RPTOR: variants seen among roughly 807,000 people sequenced by gnomAD.
The protein encoded by RPTOR is regulatory-associated protein of mTOR.
In RPTOR, 21 loss-of-function variants were observed where a neutral mutation model predicts 169.9. That is an observed-to-expected ratio of 0.12 (90% CI 0.09 to 0.18). The LOEUF (loss-of-function observed/expected upper bound fraction) is 0.18, where lower values mean the gene tolerates loss of function less well. Among genes scored for constraint, RPTOR ranks in the 10% least tolerant of loss-of-function variants. RPTOR has a pLI of 1.00. For missense variants in RPTOR, 1,133 were observed against 1,855.9 expected, an observed-to-expected ratio of 0.61 and a Z score of 7.16; for synonymous variants, 732 against 753.2, an observed-to-expected ratio of 0.97 and a Z score of 0.46.
At chr17:80,869,402 G>A (rs963215121) in intron 13 of RPTOR, among the ~76,000 whole-genome samples, 5 of 152,202 alleles carry the variant, frequency 3.3e-5, no homozygotes, top group South Asian at 2.1e-4. Context: ...AGTGATCTGC[G>A]TGCCTCAGCC....
intron 1 of RPTOR, among the ~76,000 whole-genome samples, chr17:80,588,639 T>G (rs1359054178): frequency 6.6e-6 from 1 of 152,246 alleles, no homozygotes; most frequent in African/African-American, 2.4e-5. Context: ...TTTTTCATTT[T>G]CATTTTCTTC....
At position 80,892,782 on chromosome 17, in the gene RPTOR, T is replaced by C. The variant is rs1265025514; in HGVS notation, c.2155T>C (p.Ser719Pro). Reference sequence around the variant, plus strand: ...CAGCCCGTGCACCCCCAGACTTCGTTCTGTGAGCTCCTATGGAAACATCCG... The same window carrying C: ...CAGCCCGTGCACCCCCAGACTTCGTCCTGTGAGCTCCTATGGAAACATCCG... The part of the protein sequence containing the change: ...RDSPCTPRLR[S>P]VSSYGNIRAV... Residue 719 changes from serine (S) to proline (P), a missense_variant, in exon 19 of 34, where the codon TCT (serine) becomes CCT (proline). By Grantham distance (74) the Ser-to-Pro change is moderately conservative. Transcript: ENST00000306801. 1.9e-6 allele frequency: 3 copies of C among 1,614,214 alleles called. No homozygotes were observed. The highest frequency in any genetic ancestry group is 2.5e-6 in the Non-Finnish European group (3 of 1,180,034).
At chr17:80,763,621 C>T in intron 6 of RPTOR, among the ~76,000 whole-genome samples, 1 of 152,130 alleles carries the variant, frequency 6.6e-6, no homozygotes, top group East Asian at 1.9e-4. Context: ...ATTAGCCAGA[C>T]CTCACAGAGG....
At chr17:80,576,446 C>T (rs138069925) in intron 1 of RPTOR, among the ~76,000 whole-genome samples, 24 of 152,180 alleles carry the variant, frequency 1.6e-4, no homozygotes, top group African/African-American at 5.1e-4. Flanking sequence ...TTATTTAATC[C>T]GTTTGTTTCT....
intron 12 of RPTOR, among the ~76,000 whole-genome samples, chr17:80,855,979 C>T (rs555124540): frequency 1.3e-4 from 20 of 152,206 alleles, no homozygotes; most frequent in African/African-American, 2.2e-4. Context: ...AATTCGGAAA[C>T]GCTCTTCTGG....
At chr17:80,752,948 A>G (rs1207347989) in intron 5 of RPTOR, among the ~76,000 whole-genome samples, 3 of 151,104 alleles carry the variant, frequency 2.0e-5, no homozygotes, top group African/African-American at 7.3e-5. Context: ...TGGCACTGTG[A>G]TATCAGCTTC....
chr17:80,567,873 T>C (rs2064862333), intron 1 of RPTOR, among the ~76,000 whole-genome samples: 1 of 151,606 alleles, frequency 6.6e-6, no homozygotes, highest in Non-Finnish European at 1.5e-5. Flanking sequence ...AATAAGAATA[T>C]CTCTTATATT....
intron 13 of RPTOR, among the ~76,000 whole-genome samples, chr17:80,879,620 C>G (rs1191220908): frequency 6.6e-6 from 1 of 152,216 alleles, no homozygotes; most frequent in Non-Finnish European, 1.5e-5. Context: ...TATGGTGCCT[C>G]TCGCTGCTCC....
intron 13 of RPTOR, among the ~76,000 whole-genome samples, chr17:80,867,716 A>C (rs1210191602): frequency 6.6e-6 from 1 of 152,246 alleles, no homozygotes; most frequent in African/African-American, 2.4e-5. Context: ...ATGTATATAC[A>C]CTAGCAATCA....
chr17:80,895,759 C>T (rs908979543), intron 20 of RPTOR, among the ~76,000 whole-genome samples: 7 of 152,360 alleles, frequency 4.6e-5, no homozygotes, highest in South Asian at 2.1e-4. Flanking sequence ...CTCTCTACCA[C>T]GCCGGTCTTG....
intron 6 of RPTOR, among the ~76,000 whole-genome samples, chr17:80,775,305 C>T (rs570776621): frequency 6.6e-6 from 1 of 152,220 alleles, no homozygotes; most frequent in South Asian, 2.1e-4. Context: ...AGGTAGCGGT[C>T]TTGTTATGTT....
intron 14 of RPTOR, among the ~76,000 whole-genome samples, chr17:80,882,505 C>T (rs754021705): frequency 3.3e-5 from 5 of 152,194 alleles, no homozygotes; most frequent in Non-Finnish European, 7.3e-5. Flanking sequence ...GGGGAGCCCT[C>T]GGCGTGCGAG....
intron 9 of RPTOR, among the ~76,000 whole-genome samples, chr17:80,836,964 G>T (rs771898532): frequency 1.2e-4 from 18 of 152,158 alleles, no homozygotes; most frequent in Non-Finnish European, 2.2e-4. Context: ...GGGTGTCGGT[G>T]AGCAGGTGGC....
At chr17:80,951,580 G>C (rs562962574) in intron 28 of RPTOR, among the ~76,000 whole-genome samples, 2 of 152,352 alleles carry the variant, frequency 1.3e-5, no homozygotes, top group South Asian at 4.1e-4. Context: ...GGTTGCACAG[G>C]ACATGGGAAA....
chr17:80,946,447 C>T (rs1028824232), intron 26 of RPTOR, among the ~76,000 whole-genome samples: 2 of 152,244 alleles, frequency 1.3e-5, no homozygotes, highest in Non-Finnish European at 2.9e-5. Flanking sequence ...CTTCTCATCA[C>T]ACAAAACCAA....
chr17:80,925,559 A>AAGAAGT, intron 24 of RPTOR, 79 bp downstream of exon 24: 3 of 1,189,094 alleles, frequency 2.5e-6, no homozygotes, highest in Non-Finnish European at 3.7e-6. Flanking sequence ...TAAACGCTCA[A>AAGAAGT]GGCTTGTGGC....
intron 1 of RPTOR, among the ~76,000 whole-genome samples, chr17:80,583,191 T>TTTTTTTTTG (rs2065030940): frequency 7.6e-6 from 1 of 132,068 alleles, no homozygotes; most frequent in Non-Finnish European, 1.7e-5. Context: ...TGTTTTTTTT[T>TTTTTTTTTG]TTTTTTTTTT....
At chr17:80,605,689 C>G (rs918050342) in intron 1 of RPTOR, among the ~76,000 whole-genome samples, 1 of 152,164 alleles carries the variant, frequency 6.6e-6, no homozygotes, top group African/African-American at 2.4e-5. Flanking sequence ...GTGATATACA[C>G]CTTGCCAGGT....
chr17:80,925,048 A>G (rs2068794549), intron 23 of RPTOR, among the ~76,000 whole-genome samples: 2 of 152,144 alleles, frequency 1.3e-5, no homozygotes, highest in Non-Finnish European at 2.9e-5. Flanking sequence ...GGGTTGATAA[A>G]CCAGCACACA....
Sources: allele counts gnomAD v4.1 joint callset (sites outside exome capture counted in the v4.1 genomes callset), GRCh38; gene constraint gnomAD v4.1.1; transcripts MANE v1.5; gene names NCBI Gene and HGNC (gene_info 2026-07-23, HGNC 2026-07-21).